GDAP1: variants seen among roughly 807,000 people sequenced by gnomAD.
GDAP1 encodes the protein ganglioside-induced differentiation-associated protein 1.
Under a neutral mutation model 40.1 loss-of-function variants are expected in GDAP1, and 34 were observed. The ratio of observed to expected loss-of-function variants is 0.85; its 90% CI spans 0.64 to 1.13. GDAP1 has a LOEUF of 1.13. GDAP1 is among the 50% of genes most tolerant of loss of function. The pLI is 0.00. For synonymous variants in GDAP1, 170 were observed against 157.4 expected (o/e 1.08, Z -0.60); for missense variants, 374 against 433.7 (o/e 0.86, Z 1.22).
intron 2 of GDAP1, among the ~76,000 whole-genome samples, chr8:74,396,838 C>A (rs1810208749): frequency 6.6e-6 from 1 of 152,152 alleles, no homozygotes; most frequent in Admixed American, 6.5e-5. Context: ...GTCTTTATAG[C>A]AGCATGATTT....
At chr8:74,415,165 TAGAAG>T (rs1223340991) in intron 2 of GDAP1, among the ~76,000 whole-genome samples, 1 of 150,042 alleles carries the variant, frequency 6.7e-6, no homozygotes, top group East Asian at 1.9e-4. Context: ...GAGAGTTAGT[TAGAAG>T]AGAAATGATA....
intron 2 of GDAP1, among the ~76,000 whole-genome samples, chr8:74,381,932 A>G (rs781348693): frequency 3.3e-5 from 5 of 151,908 alleles, no homozygotes; most frequent in Non-Finnish European, 7.4e-5. Flanking sequence ...TATCTTTGGG[A>G]GGTCAATCCT....
At chr8:74,446,296 T>C (rs1473363815) in intron 2 of GDAP1, among the ~76,000 whole-genome samples, 14 of 152,110 alleles carry the variant, frequency 9.2e-5, no homozygotes, top group Non-Finnish European at 1.9e-4. Context: ...AGTGGAGACA[T>C]AATAAAGCAA....
chr8:74,397,445 G>T (rs1810227795), intron 2 of GDAP1, among the ~76,000 whole-genome samples: 1 of 152,138 alleles, frequency 6.6e-6, no homozygotes, highest in African/African-American at 2.4e-5. Context: ...CCTATGTCCT[G>T]AATGGTAATG....
At chr8:74,362,151 T>C (rs1313236087) in intron 4 of GDAP1, among the ~76,000 whole-genome samples, 173 bp downstream of exon 4, 3 of 152,206 alleles carry the variant, frequency 2.0e-5, no homozygotes, top group Non-Finnish European at 4.4e-5. Flanking sequence ...TTAGACTTGA[T>C]ATTGAAACTT....
In GDAP1 at chr8:74,417,986, A is replaced by G. The variant is rs900460240; in HGVS notation, c.165+66665A>G. On this transcript the variant is annotated intron_variant, in intron 2 of 2. Coordinates refer to the GDAP1 transcript ENST00000523640. ...TAGGCATAAATCTAGCAAAACAAGT[A>G]CTGGGATCTATATATTGAAAATGAC... Among the ~76,000 whole-genome samples, 6 of 152,212 alleles carry G rather than the reference A, an allele frequency of 3.9e-5. No individual in the cohort carries two copies. The East Asian group carries it at 1.2e-3, about 29-fold the overall frequency.
intron 2 of GDAP1, among the ~76,000 whole-genome samples, chr8:74,481,239 G>T (rs533452210): frequency 0.019 from 2,882 of 152,288 alleles, 84 homozygotes; most frequent in African/African-American, 0.065. Flanking sequence ...TTGGACGCTA[G>T]TAAAAATAAT....
intron 2 of GDAP1, among the ~76,000 whole-genome samples, chr8:74,389,804 A>G (rs1044243619): frequency 3.9e-5 from 6 of 152,200 alleles, no homozygotes; most frequent in Non-Finnish European, 8.8e-5. Context: ...CGTCACTTTC[A>G]GGTACACCAA....
At chr8:74,429,005 G>A (rs1397855611) in intron 2 of GDAP1, among the ~76,000 whole-genome samples, 4 of 151,494 alleles carry the variant, frequency 2.6e-5, no homozygotes, top group Non-Finnish European at 5.9e-5. Context: ...GAGAATGATG[G>A]TTTCCAGCTT....
At position 74,351,041 on chromosome 8, in the gene GDAP1, A is replaced by T. The variant is rs3739345; in HGVS notation, c.118-233A>T. Among the ~76,000 whole-genome samples the T allele has an allele frequency of 0.29, 44,792 of 151,932 alleles. 6,862 individuals are homozygous for T. The highest frequency in any genetic ancestry group is 0.34 in the Non-Finnish European group (22,846 of 67,922). The stretch of plus-strand genomic sequence containing the variant: ...GAAAGTGGTAGTGATGAGGAGGGTG[A>T]CTGTTTAATGAATACAGTCAGAATC... On this transcript the variant is annotated intron_variant, in intron 1 of 5. Coordinates refer to ENST00000220822, the MANE Select transcript of GDAP1 (RefSeq NM_018972.4).
At chr8:74,468,615 T>C (rs1046626810) in intron 2 of GDAP1, among the ~76,000 whole-genome samples, 1 of 152,062 alleles carries the variant, frequency 6.6e-6, no homozygotes, top group African/African-American at 2.4e-5. Context: ...TTGTTGACTT[T>C]TGTGTATGTG....
chr8:74,398,389 G>A (rs201384081), intron 2 of GDAP1, among the ~76,000 whole-genome samples: 1 of 151,562 alleles, frequency 6.6e-6, no homozygotes, highest in Non-Finnish European at 1.5e-5. Flanking sequence ...TCCTGAATAC[G>A]GCACACTTGT....
At position 74,453,854 on chromosome 8, in the gene GDAP1, A is replaced by G. The variant is rs1466079104; in HGVS notation, c.166-34824A>G. 1.5e-4 allele frequency among the ~76,000 whole-genome samples: 12 copies of G among 81,242 alleles called. 6 individuals are homozygous for G. The highest frequency in any genetic ancestry group is 2.2e-4 in the African/African-American group (4 of 18,302). 53.3% of individuals were successfully genotyped at this position (81,242 alleles called of 152,430 possible). A position where few individuals can be genotyped will look rare whatever the true frequency, so the allele number is the denominator to read the frequency against. ...ACTTTACCCCTGCAGCTCAACTAAGATGTTAACTGAGAAGTTATATCAAAA... is the reference window on the plus strand; with the variant it reads ...ACTTTACCCCTGCAGCTCAACTAAGGTGTTAACTGAGAAGTTATATCAAAA... On this transcript the variant is annotated intron_variant, in intron 2 of 2. Transcript: ENST00000523640.
At chr8:74,446,741 G>A (rs1254653681) in intron 2 of GDAP1, among the ~76,000 whole-genome samples, 1 of 152,164 alleles carries the variant, frequency 6.6e-6, no homozygotes, top group Non-Finnish European at 1.5e-5. Context: ...AATGAATTAA[G>A]TACTGATACA....
intron 2 of GDAP1, among the ~76,000 whole-genome samples, chr8:74,355,263 C>T (rs906753726): frequency 7.2e-5 from 11 of 152,108 alleles, no homozygotes; most frequent in Non-Finnish European, 1.5e-4. Flanking sequence ...CGAGAGCTAT[C>T]TCTTCATTTA....
chr8:74,457,308 T>C (rs576085612), intron 2 of GDAP1, among the ~76,000 whole-genome samples: 2 of 152,202 alleles, frequency 1.3e-5, no homozygotes, highest in South Asian at 4.1e-4. Flanking sequence ...CCATTTCTAA[T>C]CTTGTGAGCA....
At chr8:74,422,349 C>CT (rs1451707578) in intron 2 of GDAP1, among the ~76,000 whole-genome samples, 870 of 34,820 alleles carry the variant, frequency 0.025, 16 homozygotes, top group African/African-American at 0.051. Flanking sequence ...TTCTTTCTTT[C>CT]TTCCCTTCCT....
At chr8:74,374,098 G>A (rs770683500) in intron 2 of GDAP1, among the ~76,000 whole-genome samples, 8 of 152,150 alleles carry the variant, frequency 5.3e-5, no homozygotes, top group Non-Finnish European at 1.0e-4. Context: ...CGCATCCCAG[G>A]GATGAAGACC....
rs540085624 is a variant in GDAP1, at chr8:74,411,203, C to T, written c.165+59882C>T. The stretch of plus-strand genomic sequence containing the variant: ...AACTGTGAGTCAATTAAACCTCTTT[C>T]CTTTATAAATTGCCCAGTCTCAGGT... On this transcript the variant is annotated intron_variant, in intron 2 of 2. Coordinates refer to the GDAP1 transcript ENST00000523640. 9.3e-5 allele frequency among the ~76,000 whole-genome samples: 14 copies of T among 150,202 alleles called. 1 individual carries two copies. Among genetic ancestry groups the T allele is most frequent in the African/African-American group, 3.3e-4 (13 of 39,528 alleles).
Sources: gnomAD v4.1 joint callset for allele counts (sites outside exome capture counted in the v4.1 genomes callset) on GRCh38, gnomAD v4.1.1 for gene constraint, MANE v1.5 for transcripts, NCBI Gene and HGNC (gene_info 2026-07-23, HGNC 2026-07-21) for gene names.